PTPN4: variants seen among roughly 807,000 people sequenced by gnomAD.
The protein encoded by PTPN4 is tyrosine-protein phosphatase non-receptor type 4.
Under a neutral mutation model 135.5 loss-of-function variants are expected in PTPN4, and 49 were observed. That is an observed-to-expected ratio of 0.36 (90% CI 0.29 to 0.46). The LOEUF is 0.46. PTPN4 is among the 20% of genes least tolerant of loss of function. PTPN4 has a pLI of 1.00. For missense variants in PTPN4, 860 were observed against 1,101.0 expected, an observed-to-expected ratio of 0.78 and a Z score of 3.10; for synonymous variants, 333 against 369.9, an observed-to-expected ratio of 0.90 and a Z score of 1.14.
At chr2:119,777,081 C>T (rs1334150555) in intron 1 of PTPN4, among the ~76,000 whole-genome samples, 4 of 152,206 alleles carry the variant, frequency 2.6e-5, no homozygotes, top group Admixed American at 2.6e-4. Context: ...GGTCTGTGGA[C>T]CTGGCTGTCT....
At chr2:119,846,723 TG>T (rs1431600338) in intron 2 of PTPN4, among the ~76,000 whole-genome samples, 1 of 152,054 alleles carries the variant, frequency 6.6e-6, no homozygotes, top group Non-Finnish European at 1.5e-5. Context: ...CATATTTTCT[TG>T]TGTAACATTT....
At chr2:119,811,577 A>G (rs4263120) in intron 2 of PTPN4, among the ~76,000 whole-genome samples, 106,539 of 152,022 alleles carry the variant, frequency 0.7, 37,533 homozygotes, top group East Asian at 0.83. Flanking sequence ...AGAAACTCTC[A>G]TGTATTAGAC....
At chr2:119,779,398 ACG>A (rs1314057727) in intron 1 of PTPN4, among the ~76,000 whole-genome samples, 5 of 152,184 alleles carry the variant, frequency 3.3e-5, no homozygotes, top group Non-Finnish European at 7.4e-5. Flanking sequence ...CAGGCGTATC[ACG>A]AGGTTAGGAG....
At chr2:119,763,983 G>A (rs964431006) in intron 1 of PTPN4, among the ~76,000 whole-genome samples, 6 of 152,064 alleles carry the variant, frequency 3.9e-5, no homozygotes, top group Non-Finnish European at 8.8e-5. Flanking sequence ...TGAAGGGGTC[G>A]CCACTAAGAG....
intron 2 of PTPN4, among the ~76,000 whole-genome samples, chr2:119,838,679 A>G (rs1558740855): frequency 6.6e-6 from 1 of 152,208 alleles, no homozygotes; most frequent in Non-Finnish European, 1.5e-5. Flanking sequence ...CTGTAGATGT[A>G]TTATCCCTTG....
intron 12 of PTPN4, 95 bp from the exon 13 acceptor site, chr2:119,926,503 C>T: frequency 1.3e-6 from 1 of 771,256 alleles, no homozygotes. Flanking sequence ...AATGTCTTGT[C>T]TCTTAGGAAG....
chr2:119,965,390 A>T, intron 24 of PTPN4, 107 bp from the exon 25 acceptor site: 1 of 1,070,180 alleles, frequency 9.3e-7, no homozygotes, highest in Non-Finnish European at 1.3e-6. Flanking sequence ...AGCTGTGTTT[A>T]GTTTTCTATC....
At chr2:119,929,446 T>C (rs1678870018) in intron 13 of PTPN4, among the ~76,000 whole-genome samples, 1 of 152,138 alleles carries the variant, frequency 6.6e-6, no homozygotes, top group Admixed American at 6.5e-5. Flanking sequence ...TAAATGTTTT[T>C]TCTTTTTTCT....
Position 119,926,680 on chromosome 2 carries a change from G to C in PTPN4, c.1070+14G>C. 1.3e-6 allele frequency: 2 copies of C among 1,561,638 alleles called. No homozygotes were observed. The highest frequency in any genetic ancestry group is 1.7e-6 in the Non-Finnish European group (2 of 1,147,370). ...GGTATTTGCAAGGTAAGCCAAATCT[G>C]TTTCATTGTTTGAATTTTTTTAAAA... On this transcript the variant is annotated intron_variant, in intron 13 of 26. Coordinates refer to ENST00000263708, the MANE Select transcript of PTPN4 (RefSeq NM_002830.4).
At chr2:119,968,011 CATG>C (rs1679470431) in intron 26 of PTPN4, 39 bp downstream of exon 26, 2 of 1,401,594 alleles carry the variant, frequency 1.4e-6, no homozygotes, top group East Asian at 2.5e-5. Context: ...ATATTCTTAA[CATG>C]ATGATTTTTG....
intron 10 of PTPN4, among the ~76,000 whole-genome samples, chr2:119,906,903 A>C (rs1035027154): frequency 3.9e-5 from 6 of 152,224 alleles, no homozygotes; most frequent in African/African-American, 1.4e-4. Flanking sequence ...ACCTGATCAT[A>C]AAGAAAAGCC....
At chr2:119,843,316 A>G in intron 2 of PTPN4, among the ~76,000 whole-genome samples, 1 of 145,148 alleles carries the variant, frequency 6.9e-6, no homozygotes, top group South Asian at 2.3e-4. Context: ...GTAAGGTCAC[A>G]GATCAACAGG....
At chr2:119,871,922 C>T (rs11689019) in intron 3 of PTPN4, among the ~76,000 whole-genome samples, 31,314 of 151,870 alleles carry the variant, frequency 0.21, 3,973 homozygotes, top group South Asian at 0.33. Context: ...AGTCCCTTTG[C>T]GAGTCTGATA....
chr2:119,929,453 T>C (rs982248444), intron 13 of PTPN4, among the ~76,000 whole-genome samples: 2 of 152,134 alleles, frequency 1.3e-5, no homozygotes, highest in Non-Finnish European at 2.9e-5. Context: ...TTTTTCTTTT[T>C]TCTGATTATC....
At position 119,764,327 on chromosome 2, in the gene PTPN4, G is replaced by A. The variant is rs138503202; in HGVS notation, c.-18+3943G>A. 3.3e-3 allele frequency among the ~76,000 whole-genome samples: 507 copies of A among 152,208 alleles called. 1 individual carries two copies. Among genetic ancestry groups the A allele is most frequent in the African/African-American group, 0.012 (478 of 41,522 alleles). On this transcript the variant is annotated intron_variant, in intron 1 of 26. Transcript: ENST00000263708. ...GTTTAAAAATATATAGGAGTTCCCC[G>A]GTGCTTATCAAATTAATCCCAAATT...
chr2:119,886,271 T>C (rs1337408378), intron 9 of PTPN4, among the ~76,000 whole-genome samples: 1 of 152,210 alleles, frequency 6.6e-6, no homozygotes, highest in African/African-American at 2.4e-5. Context: ...TTTGTTTTCA[T>C]CATTTAAAAG....
At chr2:119,795,781 C>T (rs1453029975) in intron 1 of PTPN4, among the ~76,000 whole-genome samples, 1 of 152,258 alleles carries the variant, frequency 6.6e-6, no homozygotes, top group Non-Finnish European at 1.5e-5. Flanking sequence ...GAGCAAGGCA[C>T]CGCCCTGGGC....
At chr2:119,909,480 T>C (rs1045162857) in intron 10 of PTPN4, among the ~76,000 whole-genome samples, 7 of 152,198 alleles carry the variant, frequency 4.6e-5, no homozygotes, top group Non-Finnish European at 7.3e-5. Context: ...TTACTGCCCA[T>C]TGACAATGAA....
In PTPN4 at chr2:119,983,498, C is replaced by T. The variant is rs1679724568; in HGVS notation, c.*6428C>T. On this transcript the variant is annotated 3_prime_UTR_variant, in exon 27 of 27. Coordinates refer to ENST00000263708, the MANE Select transcript of PTPN4 (RefSeq NM_002830.4). ...TGGGATTCTCTGGCACCTGTCTTTT[C>T]CCATCTTTTAATGAGTTGGCAAGAT... The T allele has an allele frequency of 2.0e-5, 3 of 152,178 alleles. No individual in the cohort carries two copies. 9.4% of individuals were successfully genotyped at this position (152,178 alleles called of 1,614,324 possible).
Sources: allele counts gnomAD v4.1 joint callset (sites outside exome capture counted in the v4.1 genomes callset), GRCh38; gene constraint gnomAD v4.1.1; transcripts MANE v1.5; gene names NCBI Gene and HGNC (gene_info 2026-07-23, HGNC 2026-07-21).